KIAA1549: variants seen among roughly 807,000 people sequenced by gnomAD.
KIAA1549 encodes the protein UPF0606 protein KIAA1549.
Under a neutral mutation model 156.4 loss-of-function variants are expected in KIAA1549, and 70 were observed. The ratio of observed to expected loss-of-function variants is 0.45; its 90% CI spans 0.37 to 0.55. The LOEUF is 0.55. Among genes scored for constraint, KIAA1549 ranks in the 20% least tolerant of loss-of-function variants. The pLI is 0.00. For synonymous variants in KIAA1549, 1,103 were observed against 1,066.4 expected, an observed-to-expected ratio of 1.03 and a Z score of -0.67; for missense variants, 2,428 against 2,540.9, an observed-to-expected ratio of 0.96 and a Z score of 0.96.
chr7:138,929,915 A>T (rs1393692649), intron 1 of KIAA1549, among the ~76,000 whole-genome samples: 3 of 152,148 alleles, frequency 2.0e-5, no homozygotes, highest in African/African-American at 4.8e-5. Flanking sequence ...GGTTAGTCTC[A>T]AACTCCTGGC....
At chr7:138,865,761 T>G (rs1810720311) in intron 15 of KIAA1549, among the ~76,000 whole-genome samples, 1 of 151,660 alleles carries the variant, frequency 6.6e-6, no homozygotes, top group Non-Finnish European at 1.5e-5. Flanking sequence ...TGATCTAGAG[T>G]CACTGAAGCA....
At chr7:138,949,619 A>G (rs1482428779) in intron 1 of KIAA1549, among the ~76,000 whole-genome samples, 2 of 152,058 alleles carry the variant, frequency 1.3e-5, no homozygotes, top group African/African-American at 4.8e-5. Context: ...AGCGCCAACC[A>G]CCTGAGTGAA....
At chr7:138,902,359 C>G (rs2130448336) in intron 8 of KIAA1549, among the ~76,000 whole-genome samples, 1 of 152,264 alleles carries the variant, frequency 6.6e-6, no homozygotes, top group Non-Finnish European at 1.5e-5. Flanking sequence ...TCTAATCCAC[C>G]CACCTCCCTA....
intron 17 of KIAA1549, among the ~76,000 whole-genome samples, chr7:138,845,735 T>A (rs1279569184): frequency 6.6e-6 from 1 of 152,222 alleles, no homozygotes; most frequent in Non-Finnish European, 1.5e-5. Flanking sequence ...AGTCTCTCGG[T>A]GCTAGGAAGT....
chr7:138,890,231 G>A (rs373763710), intron 10 of KIAA1549, among the ~76,000 whole-genome samples: 1 of 152,160 alleles, frequency 6.6e-6, no homozygotes, highest in Non-Finnish European at 1.5e-5. Flanking sequence ...ATGTGAACAC[G>A]TGGGCCATAA....
intron 1 of KIAA1549, among the ~76,000 whole-genome samples, chr7:138,929,207 C>G (rs749658428): frequency 2.6e-5 from 4 of 152,196 alleles, no homozygotes; most frequent in Non-Finnish European, 5.9e-5. Context: ...TGGAGTGAAT[C>G]CTCTCAAACT....
At chr7:138,875,206 A>G (rs1811045958) in intron 12 of KIAA1549, among the ~76,000 whole-genome samples, 1 of 152,244 alleles carries the variant, frequency 6.6e-6, no homozygotes, top group Non-Finnish European at 1.5e-5. Context: ...ATATTCATAC[A>G]TGGAAATATC....
At chr7:138,863,387 C>T (rs1013371001) in intron 15 of KIAA1549, among the ~76,000 whole-genome samples, 3 of 152,062 alleles carry the variant, frequency 2.0e-5, no homozygotes, top group African/African-American at 7.2e-5. Context: ...AACTACTCTA[C>T]AGACACATCC....
chr7:138,959,932 G>C (rs897840237), intron 1 of KIAA1549, among the ~76,000 whole-genome samples: 1 of 152,226 alleles, frequency 6.6e-6, no homozygotes, highest in East Asian at 1.9e-4. Flanking sequence ...CAGGACTGGA[G>C]AGCAAAAGAG....
chr7:138,908,947 T>A (rs1812087959), intron 5 of KIAA1549, 44 bp downstream of exon 5: 1 of 1,607,892 alleles, frequency 6.2e-7, no homozygotes, highest in Admixed American at 1.7e-5. Flanking sequence ...AATTTCCCCT[T>A]CAAGGGCTAA....
chr7:138,873,236 T>C (rs1584720708), intron 12 of KIAA1549, among the ~76,000 whole-genome samples: 1 of 152,358 alleles, frequency 6.6e-6, no homozygotes, highest in East Asian at 1.9e-4. Context: ...GTCATTTGGC[T>C]GATTCTGAAT....
At chr7:138,878,152 A>G (rs1279834850) in intron 12 of KIAA1549, among the ~76,000 whole-genome samples, 1 of 152,248 alleles carries the variant, frequency 6.6e-6, no homozygotes, top group Non-Finnish European at 1.5e-5. Flanking sequence ...TGTCCTTAAC[A>G]TTACAAAAGA....
intron 15 of KIAA1549, among the ~76,000 whole-genome samples, chr7:138,865,207 C>T (rs1187738457): frequency 6.6e-6 from 1 of 151,598 alleles, no homozygotes; most frequent in Non-Finnish European, 1.5e-5. Flanking sequence ...CCAGCCTGGG[C>T]AACAGAGCTG....
At chr7:138,946,268 T>A (rs957957742) in intron 1 of KIAA1549, among the ~76,000 whole-genome samples, 3 of 152,332 alleles carry the variant, frequency 2.0e-5, no homozygotes, top group East Asian at 3.9e-4. Flanking sequence ...GTTTTCTGCT[T>A]GTATGTAAGC....
chr7:138,845,987 G>A (rs1810062457), intron 17 of KIAA1549, among the ~76,000 whole-genome samples: 1 of 152,096 alleles, frequency 6.6e-6, no homozygotes, highest in African/African-American at 2.4e-5. Flanking sequence ...CAAACAATGG[G>A]AGCAAGGGCT....
At chr7:138,976,043 C>CA (rs1445273318) in intron 1 of KIAA1549, among the ~76,000 whole-genome samples, 2 of 152,124 alleles carry the variant, frequency 1.3e-5, no homozygotes, top group Admixed American at 6.6e-5. Context: ...AAACATGTAA[C>CA]AAAAAATGCT....
At position 138,855,207 on chromosome 7, in the gene KIAA1549, C is replaced by T. The variant is rs116601354; in HGVS notation, c.5248-2938G>A. Among the ~76,000 whole-genome samples the T allele has an allele frequency of 1.6e-3, 243 of 152,260 alleles. 2 individuals carry two copies. Among genetic ancestry groups the T allele is most frequent in the African/African-American group, 5.7e-3 (235 of 41,548 alleles). On this transcript the variant is annotated intron_variant, in intron 16 of 19. Coordinates refer to ENST00000422774, the MANE Select transcript of KIAA1549 (RefSeq NM_001164665.2). ...GGTCAGCTCATCAGATGAGCCTTTC[C>T]CTTTGGAAAACGCAAGACAAGCTAA... is the stretch of plus-strand genomic sequence containing the variant.
intron 2 of KIAA1549, among the ~76,000 whole-genome samples, chr7:138,915,452 G>GTGCT (rs1166497573): frequency 1.3e-5 from 2 of 151,952 alleles, no homozygotes; most frequent in Admixed American, 1.3e-4. Context: ...TGGCGTGTGG[G>GTGCT]GAGCAAAGGC....
At chr7:138,934,804 CAGAAAG>C (rs1230228040) in intron 1 of KIAA1549, among the ~76,000 whole-genome samples, 1 of 152,180 alleles carries the variant, frequency 6.6e-6, no homozygotes, top group African/African-American at 2.4e-5. Context: ...AGGGGTTCCC[CAGAAAG>C]AGAAAGGGGA....
Sources: allele counts gnomAD v4.1 joint callset (sites outside exome capture counted in the v4.1 genomes callset), GRCh38; gene constraint gnomAD v4.1.1; transcripts MANE v1.5; gene names NCBI Gene and HGNC (gene_info 2026-07-23, HGNC 2026-07-21).